MAP3K13: variants seen among roughly 807,000 people sequenced by gnomAD.
MAP3K13 encodes leucine zipper-bearing kinase.
MAP3K13 carries 52 observed loss-of-function variants against 104.0 expected under a neutral mutation model. That is an observed-to-expected ratio of 0.50 (90% CI 0.40 to 0.63). The LOEUF (loss-of-function observed/expected upper bound fraction) is 0.63, where lower values mean the gene tolerates loss of function less well. Ranked by LOEUF, MAP3K13 falls within the 20% of genes least tolerant of loss-of-function variation. The probability of loss-of-function intolerance (pLI) is 0.00; values close to 1 mark genes in which losing one functional copy is unlikely to be tolerated. For missense variants in MAP3K13, 914 were observed against 1,218.5 expected, an observed-to-expected ratio of 0.75 and a Z score of 3.72; for synonymous variants, 394 against 442.2, an observed-to-expected ratio of 0.89 and a Z score of 1.37.
At chr3:185,449,489 T>C (rs1454590298) in intron 5 of MAP3K13, among the ~76,000 whole-genome samples, 1 of 152,082 alleles carries the variant, frequency 6.6e-6, no homozygotes, top group Non-Finnish European at 1.5e-5. Flanking sequence ...TCATGTGAAA[T>C]TTATCTTGAT....
intron 3 of MAP3K13, among the ~76,000 whole-genome samples, chr3:185,439,666 A>G (rs1279360982): frequency 6.6e-6 from 1 of 152,180 alleles, no homozygotes; most frequent in Non-Finnish European, 1.5e-5. Context: ...ACCCGGGGTC[A>G]CTGAAAGTAG....
At chr3:185,288,911 A>G (rs887220997) in intron 2 of MAP3K13, among the ~76,000 whole-genome samples, 14 of 152,198 alleles carry the variant, frequency 9.2e-5, no homozygotes, top group Admixed American at 2.0e-4. Flanking sequence ...CCAATTGTTT[A>G]TGATCAAGAT....
At chr3:185,330,912 T>G (rs1005494360) in intron 2 of MAP3K13, among the ~76,000 whole-genome samples, 2 of 152,068 alleles carry the variant, frequency 1.3e-5, no homozygotes, top group African/African-American at 2.4e-5. Flanking sequence ...TCAGACCTGC[T>G]CTTGCCTTAG....
rs1308538421 is a variant in MAP3K13 at position 185,455,657 on chromosome 3, GATAT to G, written c.1278+4269_1278+4272del. 8.9e-5 allele frequency among the ~76,000 whole-genome samples: 5 copies of G among 56,036 alleles called. 1 individual carries two copies. In the East Asian group the frequency reaches 2.2e-3, roughly 24 times the overall value. 36.8% of individuals were successfully genotyped at this position (56,036 alleles called of 152,430 possible). On this transcript the variant is annotated intron_variant, in intron 7 of 13. Transcript: ENST00000265026. ...TATGATATATATGAGATATATATAT[GATAT>G]ATATATGATATATATATGAGATATA...
At chr3:185,298,471 T>C (rs750138444) in intron 2 of MAP3K13, among the ~76,000 whole-genome samples, 3 of 152,258 alleles carry the variant, frequency 2.0e-5, no homozygotes, top group Non-Finnish European at 4.4e-5. Flanking sequence ...AACATGTTGC[T>C]GATTAAATTT....
At chr3:185,367,840 C>T (rs1358366657) in intron 1 of MAP3K13, among the ~76,000 whole-genome samples, 1 of 152,228 alleles carries the variant, frequency 6.6e-6, no homozygotes, top group East Asian at 1.9e-4. Flanking sequence ...AAGTGATCCT[C>T]CTGCCTTGGC....
chr3:185,291,965 A>C, intron 2 of MAP3K13: 1 of 1,078,902 alleles, frequency 9.3e-7, no homozygotes. Context: ...GAGAAGCATA[A>C]ATTTGGTGAA....
intron 1 of MAP3K13, among the ~76,000 whole-genome samples, chr3:185,373,168 G>A (rs1724240939): frequency 6.6e-6 from 1 of 152,188 alleles, no homozygotes; most frequent in Admixed American, 6.5e-5. Context: ...ATTTGTCAGA[G>A]ACTGGGAAGC....
At chr3:185,415,549 A>G (rs995292558) in intron 1 of MAP3K13, among the ~76,000 whole-genome samples, 5 of 150,124 alleles carry the variant, frequency 3.3e-5, no homozygotes, top group African/African-American at 1.2e-4. Flanking sequence ...ATTTAACATC[A>G]CAGTATTAAA....
intron 3 of MAP3K13, among the ~76,000 whole-genome samples, chr3:185,443,086 G>A (rs1042190424): frequency 3.3e-5 from 5 of 151,992 alleles, no homozygotes; most frequent in East Asian, 1.9e-4. Flanking sequence ...TGATCCACCC[G>A]CCTTGGCCTC....
intron 2 of MAP3K13, among the ~76,000 whole-genome samples, chr3:185,302,173 C>T (rs1240226693): frequency 2.6e-5 from 4 of 151,030 alleles, no homozygotes; most frequent in South Asian, 2.1e-4. Context: ...GAGGCCAAGG[C>T]GGGTGGATTA....
rs1042608925 is a variant in MAP3K13 at position 185,489,074 on chromosome 3, T to G, written c.*6618T>G. On this transcript the variant is annotated 3_prime_UTR_variant, in exon 14 of 14. Coordinates refer to ENST00000265026, the MANE Select transcript of MAP3K13 (RefSeq NM_004721.5). ...TATCAAAGCAAACAAATGCATGGAA[T>G]TAAACAAAAAGTGTACTTCACTGTT... 1 of 152,188 alleles carries G rather than the reference T, an allele frequency of 6.6e-6. No individual in the cohort carries two copies. The highest frequency in any genetic ancestry group is 1.5e-5 in the Non-Finnish European group (1 of 68,034). 9.4% of individuals were successfully genotyped at this position (152,188 alleles called of 1,614,324 possible).
chr3:185,393,976 A>G (rs1371745383), intron 1 of MAP3K13, among the ~76,000 whole-genome samples: 1 of 152,166 alleles, frequency 6.6e-6, no homozygotes, highest in African/African-American at 2.4e-5. Context: ...GGAATGAAAG[A>G]GAAAAGTCAA....
In MAP3K13 at chr3:185,466,826, G is replaced by C; in HGVS notation, c.1506G>C (p.Lys502Asn). Residue 502 changes from lysine to asparagine, a missense_variant and splice_region_variant, in exon 10 of 14, where the codon AAG (lysine) becomes AAC (asparagine). Lys to Asn is a moderately conservative substitution (Grantham distance 94). Around this residue, in one of 3 missense-constraint regions of MAP3K13, gnomAD observed 583 missense variants for 737.4 expected, o/e 0.79. Transcript: ENST00000265026. ...TGTGGCTTTTGCCTTTATTCTGCAGGCGTGAGCAAGCAGTGGAAAAGAAGT... is the reference window on the plus strand; with the variant it reads ...TGTGGCTTTTGCCTTTATTCTGCAGCCGTGAGCAAGCAGTGGAAAAGAAGT... ...QLEMREKELI[K>N]REQAVEKKYP... 6.2e-7 allele frequency: 1 copy of C among 1,613,916 alleles called. No homozygotes were observed. Among genetic ancestry groups the C allele is most frequent in the Non-Finnish European group, 8.5e-7 (1 of 1,179,842 alleles).
rs1446073333 is a variant in MAP3K13 at position 185,454,808 on chromosome 3, C to CATGATATATATATGAGATATATAG, written c.1278+3436_1278+3437insGATGATATATATATGAGATATATA. On this transcript the variant is annotated intron_variant, in intron 7 of 13. Coordinates refer to ENST00000265026, the MANE Select transcript of MAP3K13 (RefSeq NM_004721.5). ...ATACATGATATATATGAGATATATA[C>CATGATATATATATGAGATATATAG]ATGATATATATATGAGATATATACA... 9.2e-5 allele frequency among the ~76,000 whole-genome samples: 5 copies of CATGATATATATATGAGATATATAG among 54,162 alleles called. 1 individual carries two copies. The highest frequency in any genetic ancestry group is 3.1e-4 in the African/African-American group (5 of 16,132). The allele number at this position is 54,162 out of a possible 152,430, so 35.5% of individuals were successfully genotyped here.
At chr3:185,356,931 C>T (rs925064063) in intron 2 of MAP3K13, among the ~76,000 whole-genome samples, 1 of 152,128 alleles carries the variant, frequency 6.6e-6, no homozygotes, top group African/African-American at 2.4e-5. Flanking sequence ...GACGGAGTCT[C>T]GCTCTGCCGC....
exon 1 of MAP3K13, chr3:185,283,011 C>T (rs1720358273): frequency 6.6e-6 from 1 of 152,326 alleles, no homozygotes; most frequent in South Asian, 2.1e-4. Flanking sequence ...GCGCTGGGAG[C>T]CTAGGATCCC....
At position 185,473,627 on chromosome 3, in the gene MAP3K13, C is replaced by G. The variant is rs1038659865; in HGVS notation, c.2296C>G (p.Leu766Val). Residue 766 changes from leucine to valine, a missense_variant, in exon 11 of 14, where the codon CTC (leucine) becomes GTC (valine). By Grantham distance (32) the Leu-to-Val change is conservative. This residue lies in a region of MAP3K13 where 583 missense variants were observed against 737.4 expected (regional missense o/e 0.79). Transcript: ENST00000265026. This position sits in a 1 kb window ranked among gnomAD's most constrained non-coding sequence, Gnocchi z 4.9. ...DLSKSPAHNP[L>V]LENAQSSEKT... ...TTCCAAGTCACCAGCACATAATCCT[C>G]TCTTGGAAAACGCCCAGAGTTCTGA... 2.5e-6 allele frequency: 4 copies of G among 1,614,088 alleles called. No individual in the cohort carries two copies. The Admixed American group carries it at 5.0e-5, about 20-fold the overall frequency.
At chr3:185,459,851 A>G (rs896646720) in intron 7 of MAP3K13, among the ~76,000 whole-genome samples, 3 of 152,152 alleles carry the variant, frequency 2.0e-5, no homozygotes, top group Non-Finnish European at 4.4e-5. Flanking sequence ...TCATCACCTC[A>G]TTCAGCAGTA....
Sources: gnomAD v4.1 joint callset for allele counts (sites outside exome capture counted in the v4.1 genomes callset) on GRCh38, gnomAD v4.1.1 for gene constraint, gnomAD v4.1.1 regional missense constraint, Gnocchi (gnomAD v3.1) non-coding constraint, MANE v1.5 for transcripts, NCBI Gene and HGNC (gene_info 2026-07-23, HGNC 2026-07-21) for gene names.